The following L3MBTL4 variants were observed in gnomAD, a reference collection of about 807,000 sequenced individuals.
The protein encoded by L3MBTL4 is L3MBTL histone methyl-lysine binding protein 4, also known as lethal(3)malignant brain tumor-like protein 4.
L3MBTL4 carries 70 observed loss-of-function variants against 84.5 expected under a neutral mutation model. The observed-to-expected ratio is 0.83, with a 90% CI of 0.68 to 1.01. The LOEUF (loss-of-function observed/expected upper bound fraction) is 1.01, where lower values mean the gene tolerates loss of function less well. L3MBTL4 is among the 50% of genes least tolerant of loss of function. The pLI is 0.00. For synonymous variants in L3MBTL4, 274 were observed against 259.8 expected (o/e 1.05, Z -0.52); for missense variants, 715 against 754.8 (o/e 0.95, Z 0.62).
chr18:6,096,152 C>A (rs562041995), intron 14 of L3MBTL4, among the ~76,000 whole-genome samples: 3 of 151,110 alleles, frequency 2.0e-5, no homozygotes, highest in African/African-American at 7.4e-5. Context: ...CTAAGGCTTA[C>A]TTATCTGTCC....
chr18:6,360,973 G>A (rs2053665878), intron 1 of L3MBTL4, among the ~76,000 whole-genome samples: 1 of 149,950 alleles, frequency 6.7e-6, no homozygotes, highest in Non-Finnish European at 1.5e-5. Context: ...AGCTGTGATT[G>A]TGCCACTGCC....
intron 10 of L3MBTL4, among the ~76,000 whole-genome samples, chr18:6,221,953 G>A (rs73385922): frequency 6.4e-4 from 97 of 152,298 alleles, no homozygotes; most frequent in African/African-American, 2.2e-3. Flanking sequence ...ATAGGACCAA[G>A]TGGTCACTAA....
At chr18:6,376,958 C>G (rs140423212) in intron 1 of L3MBTL4, among the ~76,000 whole-genome samples, 113 of 152,310 alleles carry the variant, frequency 7.4e-4, no homozygotes, top group African/African-American at 2.1e-3. Flanking sequence ...TGCCAACTAT[C>G]TAAGGACATT....
chr18:6,050,173 G>A (rs748674512), intron 16 of L3MBTL4, among the ~76,000 whole-genome samples: 5 of 152,118 alleles, frequency 3.3e-5, no homozygotes, highest in Admixed American at 6.6e-5. Context: ...GTGACAATGC[G>A]ACATGGGAGG....
chr18:6,058,353 A>G (rs1164273901), intron 16 of L3MBTL4, among the ~76,000 whole-genome samples: 2 of 152,220 alleles, frequency 1.3e-5, no homozygotes, highest in Non-Finnish European at 2.9e-5. Context: ...ATCCTTTAGA[A>G]CAAGCCTTGA....
chr18:6,147,847 A>G (rs72874092), intron 13 of L3MBTL4, among the ~76,000 whole-genome samples: 2,934 of 152,300 alleles, frequency 0.019, 63 homozygotes, highest in Admixed American at 0.026. Context: ...TTAATAAAGA[A>G]CTGGCAAATA....
At position 6,032,318 on chromosome 18, in the gene L3MBTL4, G is replaced by A. The variant is rs369964586; in HGVS notation, c.1444+48563C>T. 73 of 981,628 alleles carry A rather than the reference G, an allele frequency of 7.4e-5. No homozygotes were observed. The Admixed American group carries it at 9.5e-4, about 13-fold the overall frequency. The allele number at this position is 981,628 out of a possible 1,614,324, so 60.8% of individuals were successfully genotyped here. On this transcript the variant is annotated intron_variant, in intron 16 of 18. Coordinates refer to ENST00000317931, the MANE Select transcript of L3MBTL4 (RefSeq NM_001330559.2). ...AAAAAAAGAACTAACAACAAGTTAC[G>A]TGCAAAAAAGCTTATGATGTGCTGT...
intron 14 of L3MBTL4, among the ~76,000 whole-genome samples, chr18:6,137,120 T>C (rs1306278955): frequency 1.3e-5 from 2 of 152,200 alleles, no homozygotes; most frequent in African/African-American, 2.4e-5. Context: ...GAGGCAAGAA[T>C]TGAGTTACTG....
In L3MBTL4 at chr18:6,138,268, A is replaced by C. The variant is rs771709397; in HGVS notation, c.1125T>G (p.Gly375=). Residue 375 remains glycine (G), a synonymous_variant, in exon 14 of 19, where the codon GGT becomes GGG. Coordinates refer to ENST00000317931, the MANE Select transcript of L3MBTL4 (RefSeq NM_001330559.2). ...QRTNDLKILP[G]QAVCPTPGCR... is the part of the protein sequence containing the mutation. The stretch of plus-strand genomic sequence containing the variant: ...ACCCGGGAGTAGGACAGACAGCTTG[A>C]CCTGGAAGGATCTTCAGGTCATTCG... 8.1e-6 allele frequency: 13 copies of C among 1,612,596 alleles called. No individual in the cohort carries two copies. The highest frequency in any genetic ancestry group is 1.3e-5 in the African/African-American group (1 of 74,898).
intron 14 of L3MBTL4, among the ~76,000 whole-genome samples, chr18:6,134,581 A>G (rs1467238942): frequency 1.3e-5 from 2 of 152,164 alleles, no homozygotes; most frequent in Non-Finnish European, 2.9e-5. Context: ...AAATTGGCCA[A>G]AACAAAGGGG....
At chr18:6,245,675 C>T (rs1599318824) in intron 5 of L3MBTL4, among the ~76,000 whole-genome samples, 1 of 151,484 alleles carries the variant, frequency 6.6e-6, no homozygotes, top group Admixed American at 6.6e-5. Context: ...CTGCAACCTC[C>T]GCCTCCCAGG....
At chr18:6,255,779 C>CA (rs80253863) in intron 5 of L3MBTL4, among the ~76,000 whole-genome samples, 3,511 of 66,060 alleles carry the variant, frequency 0.053, 108 homozygotes, top group African/African-American at 0.13. Context: ...ATATAAAAGG[C>CA]AAAAAAAAAA....
At chr18:6,176,028 A>C (rs2145268252) in intron 12 of L3MBTL4, among the ~76,000 whole-genome samples, 1 of 152,288 alleles carries the variant, frequency 6.6e-6, no homozygotes, top group Admixed American at 6.5e-5. Context: ...GCTAGAAAAC[A>C]TTCCTAAGAG....
At chr18:5,980,163 T>G (rs967710263) in intron 16 of L3MBTL4, among the ~76,000 whole-genome samples, 3 of 152,210 alleles carry the variant, frequency 2.0e-5, no homozygotes, top group African/African-American at 7.2e-5. Context: ...GTCTGCGTTG[T>G]GGGGTGCTCT....
At chr18:6,333,017 C>T (rs2052121688) in intron 1 of L3MBTL4, among the ~76,000 whole-genome samples, 1 of 152,026 alleles carries the variant, frequency 6.6e-6, no homozygotes, top group African/African-American at 2.4e-5. Flanking sequence ...ATGCAATTTC[C>T]ATTCTGTAAT....
At chr18:6,072,333 A>C (rs2057688293) in intron 16 of L3MBTL4, among the ~76,000 whole-genome samples, 1 of 152,212 alleles carries the variant, frequency 6.6e-6, no homozygotes, top group Non-Finnish European at 1.5e-5. Flanking sequence ...ACAGTGGAAT[A>C]AAATTCAAAA....
intron 1 of L3MBTL4, among the ~76,000 whole-genome samples, chr18:6,362,920 C>T (rs560315182): frequency 6.6e-6 from 1 of 152,314 alleles, no homozygotes; most frequent in East Asian, 1.9e-4. Context: ...ATGCGCACTG[C>T]CTTTCAGTCG....
chr18:6,281,511 C>T (rs2146585705), intron 4 of L3MBTL4, among the ~76,000 whole-genome samples: 1 of 152,238 alleles, frequency 6.6e-6, no homozygotes, highest in East Asian at 1.9e-4. Context: ...GATGATTTCC[C>T]CCAAGGTTTA....
intron 4 of L3MBTL4, among the ~76,000 whole-genome samples, chr18:6,283,431 T>C (rs1451911744): frequency 6.6e-6 from 1 of 152,066 alleles, no homozygotes; most frequent in Non-Finnish European, 1.5e-5. Context: ...CTCTGACTAC[T>C]CCTCAAAGAA....
Sources: allele counts gnomAD v4.1 joint callset (sites outside exome capture counted in the v4.1 genomes callset), GRCh38; gene constraint gnomAD v4.1.1; transcripts MANE v1.5; gene names NCBI Gene and HGNC (gene_info 2026-07-23, HGNC 2026-07-21).